The following MAML3 variants were observed in gnomAD, a reference collection of about 807,000 sequenced individuals.
MAML3 encodes the protein mastermind like transcriptional coactivator 3, also known as mastermind-like protein 3.
Under a neutral mutation model 101.9 loss-of-function variants are expected in MAML3, and 27 were observed. That is an observed-to-expected ratio of 0.27 (90% CI 0.20 to 0.37). MAML3 has a LOEUF of 0.37. Ranked by LOEUF, MAML3 falls within the 10% of genes least tolerant of loss-of-function variation. MAML3 has a pLI of 1.00. For missense variants in MAML3, 1,316 were observed against 1,444.9 expected (o/e 0.91, Z 1.45); for synonymous variants, 501 against 555.9 (o/e 0.90, Z 1.39).
intron 1 of MAML3, among the ~76,000 whole-genome samples, chr4:139,922,526 C>T (rs1192960968): frequency 6.6e-6 from 1 of 152,094 alleles, no homozygotes; most frequent in Non-Finnish European, 1.5e-5. Context: ...TCTGAAAAAT[C>T]AGGGGAATTA....
At chr4:140,099,325 A>G (rs1728216187) in intron 1 of MAML3, among the ~76,000 whole-genome samples, 1 of 152,068 alleles carries the variant, frequency 6.6e-6, no homozygotes, top group South Asian at 2.1e-4. Flanking sequence ...TGAGTTCTTA[A>G]TTTTGTTACT....
intron 2 of MAML3, among the ~76,000 whole-genome samples, chr4:139,776,990 G>A (rs939015137): frequency 2.0e-5 from 3 of 152,230 alleles, no homozygotes; most frequent in South Asian, 2.1e-4. Flanking sequence ...TATCCTGGAG[G>A]AAAAAAGGTT....
At position 140,130,914 on chromosome 4, in the gene MAML3, C is replaced by T. The variant is rs559223395; in HGVS notation, c.468+21946G>A. ...CATAAGCAACACAGGACAACTGCCACGTCATGTATAAGGTGCTAGGAGAGC... is the reference window on the plus strand; with the variant it reads ...CATAAGCAACACAGGACAACTGCCATGTCATGTATAAGGTGCTAGGAGAGC... On this transcript the variant is annotated intron_variant, in intron 1 of 4. Coordinates refer to ENST00000509479, the MANE Select transcript of MAML3 (RefSeq NM_018717.5). 5.9e-5 allele frequency among the ~76,000 whole-genome samples: 9 copies of T among 152,150 alleles called. No homozygotes were observed. In the South Asian group the frequency reaches 1.5e-3, roughly 25 times the overall value.
chr4:140,076,092 C>G (rs1727760783), intron 1 of MAML3, among the ~76,000 whole-genome samples: 1 of 151,898 alleles, frequency 6.6e-6, no homozygotes. Flanking sequence ...GTCTTAAACA[C>G]CTGGCCTCAA....
intron 2 of MAML3, among the ~76,000 whole-genome samples, chr4:139,781,765 G>A (rs902871238): frequency 1.3e-5 from 2 of 152,152 alleles, no homozygotes; most frequent in African/African-American, 4.8e-5. Context: ...TTCAACACCA[G>A]CCATCTATTC....
chr4:140,067,466 A>G (rs1727558774), intron 1 of MAML3, among the ~76,000 whole-genome samples: 1 of 152,172 alleles, frequency 6.6e-6, no homozygotes, highest in Admixed American at 6.5e-5. Flanking sequence ...AACAATGTCT[A>G]TATGTAGTTA....
rs147351484 is a variant in MAML3 at position 140,037,071 on chromosome 4, T to G, written c.468+115789A>C. Among the ~76,000 whole-genome samples the G allele has an allele frequency of 6.4e-3, 977 of 152,136 alleles. 8 individuals are homozygous for G. The highest frequency in any genetic ancestry group is 0.022 in the African/African-American group (896 of 41,488). The stretch of plus-strand genomic sequence containing the variant: ...CTTGGGGGAAATAGAACTAAAAGAC[T>G]TTATATTAATTCACTGGTATCTTTT... On this transcript the variant is annotated intron_variant, in intron 1 of 4. Transcript: ENST00000509479.
chr4:139,744,519 C>G (rs938032262), intron 2 of MAML3, among the ~76,000 whole-genome samples: 2 of 152,210 alleles, frequency 1.3e-5, no homozygotes, highest in Non-Finnish European at 2.9e-5. Context: ...ATACCTCCCC[C>G]TGAAGTCTGA....
chr4:139,870,710 C>T (rs564335933), intron 2 of MAML3, among the ~76,000 whole-genome samples: 1 of 152,208 alleles, frequency 6.6e-6, no homozygotes, highest in African/African-American at 2.4e-5. Context: ...GGCGCAATCA[C>T]AGCTAACTGT....
intron 1 of MAML3, among the ~76,000 whole-genome samples, chr4:140,125,021 C>A (rs981721066): frequency 4.6e-5 from 7 of 152,084 alleles, no homozygotes; most frequent in Admixed American, 3.9e-4. Flanking sequence ...TTTCTAATGT[C>A]CTTTAATTAT....
At chr4:140,079,174 T>C (rs538249137) in intron 1 of MAML3, among the ~76,000 whole-genome samples, 9 of 152,318 alleles carry the variant, frequency 5.9e-5, no homozygotes, top group African/African-American at 2.2e-4. Context: ...TCAGCCATGA[T>C]AGTCAACCGA....
intron 1 of MAML3, among the ~76,000 whole-genome samples, chr4:140,117,607 A>G (rs1728536190): frequency 6.6e-6 from 1 of 151,570 alleles, no homozygotes; most frequent in Admixed American, 6.6e-5. Flanking sequence ...CCCTGTCTAA[A>G]AAAATATATA....
intron 1 of MAML3, among the ~76,000 whole-genome samples, chr4:140,138,963 T>C (rs1359811592): frequency 1.3e-5 from 2 of 152,216 alleles, no homozygotes; most frequent in African/African-American, 4.8e-5. Context: ...TATGGCTATT[T>C]GGCTATTCTG....
chr4:140,128,258 G>A (rs1327735467), intron 1 of MAML3, among the ~76,000 whole-genome samples: 2 of 152,294 alleles, frequency 1.3e-5, no homozygotes, highest in Middle Eastern at 3.4e-3. Context: ...ACCTCAGGAG[G>A]TGCAGAAGCC....
At chr4:139,902,648 G>A (rs773791932) in intron 1 of MAML3, among the ~76,000 whole-genome samples, 1 of 152,198 alleles carries the variant, frequency 6.6e-6, no homozygotes, top group Admixed American at 6.5e-5. Flanking sequence ...CATTCAGCCC[G>A]TAAACAGCAG....
intron 1 of MAML3, among the ~76,000 whole-genome samples, chr4:140,065,015 G>A (rs1727507841): frequency 6.6e-6 from 1 of 152,152 alleles, no homozygotes; most frequent in Non-Finnish European, 1.5e-5. Context: ...AAACAGAGAT[G>A]ACATTTTTCT....
At chr4:139,749,598 T>G (rs755999051) in intron 2 of MAML3, among the ~76,000 whole-genome samples, 1 of 152,224 alleles carries the variant, frequency 6.6e-6, no homozygotes, top group Non-Finnish European at 1.5e-5. Flanking sequence ...CATGAGTCTG[T>G]CAGAACACGT....
chr4:140,049,309 C>T (rs544469130), intron 1 of MAML3, among the ~76,000 whole-genome samples: 1 of 152,320 alleles, frequency 6.6e-6, no homozygotes, highest in South Asian at 2.1e-4. Context: ...CCACCGGTCA[C>T]AGACAACGCT....
intron 1 of MAML3, among the ~76,000 whole-genome samples, chr4:140,151,713 T>C (rs2111069481): frequency 6.7e-6 from 1 of 150,224 alleles, no homozygotes; most frequent in African/African-American, 2.5e-5. Flanking sequence ...CACACACCTT[T>C]CCCAAGCTTC....
Sources: allele counts gnomAD v4.1 joint callset (sites outside exome capture counted in the v4.1 genomes callset), GRCh38; gene constraint gnomAD v4.1.1; transcripts MANE v1.5; gene names NCBI Gene and HGNC (gene_info 2026-07-23, HGNC 2026-07-21).